Variants in ATP6V1H observed in about 807,000 individuals in gnomAD.
ATP6V1H encodes V-type proton ATPase subunit H.
In ATP6V1H, 39 loss-of-function variants were observed where a neutral mutation model predicts 71.7. The ratio of observed to expected loss-of-function variants is 0.54; its 90% CI spans 0.42 to 0.71. The LOEUF is 0.71. Ranked by LOEUF, ATP6V1H falls within the 30% of genes least tolerant of loss-of-function variation. The pLI is 0.00. For missense variants in ATP6V1H, 509 were observed against 594.9 expected (o/e 0.86, Z 1.50); for synonymous variants, 192 against 199.3 (o/e 0.96, Z 0.31).
intron 9 of ATP6V1H, among the ~76,000 whole-genome samples, chr8:53,772,903 C>CAAAAAAA (rs201949406): frequency 1.1e-3 from 68 of 59,202 alleles, no homozygotes; most frequent in Non-Finnish European, 1.6e-3. Context: ...CTATCAAATG[C>CAAAAAAA]AAAAAAAAAA....
chr8:53,755,687 T>C (rs1290179406), intron 12 of ATP6V1H, among the ~76,000 whole-genome samples: 3 of 3,018 alleles, frequency 9.9e-4, no homozygotes, highest in East Asian at 0.034. Context: ...CCAGCGTACA[T>C]ATATATATAT....
chr8:53,753,419 G>A (rs183021439), intron 12 of ATP6V1H, among the ~76,000 whole-genome samples: 2 of 152,310 alleles, frequency 1.3e-5, no homozygotes, highest in African/African-American at 4.8e-5. Flanking sequence ...GAGACAGTAA[G>A]GCAGGGAGAA....
chr8:53,780,600 T>C (rs1346986315), intron 9 of ATP6V1H, among the ~76,000 whole-genome samples: 4 of 152,162 alleles, frequency 2.6e-5, no homozygotes, highest in Non-Finnish European at 5.9e-5. Context: ...TGCAGGTGTG[T>C]TACATATGTA....
intron 7 of ATP6V1H, among the ~76,000 whole-genome samples, chr8:53,809,767 C>T (rs2130459122): frequency 6.6e-6 from 1 of 152,278 alleles, no homozygotes; most frequent in East Asian, 1.9e-4. Context: ...AAATTCAAGA[C>T]ACATGAAATG....
chr8:53,832,168 A>T (rs1811029468), intron 3 of ATP6V1H: 1 of 152,186 alleles, frequency 6.6e-6, no homozygotes, highest in African/African-American at 2.4e-5. Context: ...ATATGTACAT[A>T]TCACCCCTTT....
intron 8 of ATP6V1H, among the ~76,000 whole-genome samples, chr8:53,800,456 T>C (rs1429794224): frequency 2.0e-5 from 3 of 152,184 alleles, no homozygotes; most frequent in Non-Finnish European, 2.9e-5. Context: ...AAGAGATAGA[T>C]TGCACTCTAT....
rs146055331 is a variant in ATP6V1H at position 53,828,515 on chromosome 8, G to A, written c.306+929C>T. The stretch of plus-strand genomic sequence containing the variant: ...TCCCATACAGTAACAAGATAACCAT[G>A]GCAGATCATAACATTCACATTTTTC... On this transcript the variant is annotated intron_variant, in intron 4 of 13. Coordinates refer to ENST00000359530, the MANE Select transcript of ATP6V1H (RefSeq NM_015941.4). Among the ~76,000 whole-genome samples the A allele has an allele frequency of 7.8e-3, 1,193 of 152,206 alleles. 4 individuals carry two copies. The highest frequency in any genetic ancestry group is 0.015 in the South Asian group (74 of 4,826).
intron 7 of ATP6V1H, among the ~76,000 whole-genome samples, chr8:53,810,115 CT>C (rs1392041510): frequency 3.9e-5 from 6 of 152,192 alleles, no homozygotes; most frequent in Admixed American, 3.9e-4. Context: ...TCCTACAGAG[CT>C]TCACTTGGGT....
Position 53,715,760 on chromosome 8 carries a change from C to A in ATP6V1H, c.*204G>T, listed in dbSNP as rs1806402446. The A allele has an allele frequency of 2.2e-6, 1 of 457,198 alleles. No homozygotes were observed. Among genetic ancestry groups the A allele is most frequent in the South Asian group, 5.5e-5 (1 of 18,332 alleles). The allele number at this position is 457,198 out of a possible 1,614,324, so 28.3% of individuals were successfully genotyped here. ...GCAGTATATGTAACAGTAATATTTT[C>A]TTTAAATACAGAATCACCTACTTTT... On this transcript the variant is annotated 3_prime_UTR_variant, in exon 14 of 14. Transcript: ENST00000359530.
Position 53,814,740 on chromosome 8 carries a change from T to G in ATP6V1H, c.447A>C (p.Ala149=). The G allele has an allele frequency of 6.2e-7, 1 of 1,612,512 alleles. No individual in the cohort carries two copies. The highest frequency in any genetic ancestry group is 1.1e-5 in the South Asian group (1 of 90,724). The change falls in exon 6 of 14, where the codon GCA becomes GCC. Residue 149 remains alanine, a synonymous_variant. Coordinates refer to ENST00000359530, the MANE Select transcript of ATP6V1H (RefSeq NM_015941.4). ...CTTCCATCAGTTCTTTTCCCCAAGC[T>G]GCTAACTTGGCAATAATTCTTGCTG... ...HMAARIIAKL[A]AWGKELMEGS...
chr8:53,779,885 T>G (rs1272695864), intron 9 of ATP6V1H, among the ~76,000 whole-genome samples: 1 of 152,140 alleles, frequency 6.6e-6, no homozygotes, highest in Admixed American at 6.6e-5. Context: ...TCGGCTGGAC[T>G]TGATGGCTCA....
intron 13 of ATP6V1H, among the ~76,000 whole-genome samples, chr8:53,726,823 G>C (rs1806828120): frequency 6.6e-6 from 1 of 152,060 alleles, no homozygotes; most frequent in African/African-American, 2.4e-5. Flanking sequence ...CAAGATCATG[G>C]AGAAAGACCA....
chr8:53,831,173 G>C (rs1810994413), intron 3 of ATP6V1H, among the ~76,000 whole-genome samples: 1 of 152,230 alleles, frequency 6.6e-6, no homozygotes, highest in Non-Finnish European at 1.5e-5. Context: ...TAACAATGGG[G>C]AAAGTTCTGA....
chr8:53,821,248 C>G (rs1419680255), intron 4 of ATP6V1H, among the ~76,000 whole-genome samples: 2 of 151,598 alleles, frequency 1.3e-5, no homozygotes, highest in Non-Finnish European at 2.9e-5. Context: ...TGGTGCATGC[C>G]TGTAGTCCCA....
intron 13 of ATP6V1H, among the ~76,000 whole-genome samples, chr8:53,737,311 G>C (rs903856852): frequency 1.3e-5 from 2 of 152,088 alleles, no homozygotes; most frequent in Admixed American, 6.5e-5. Context: ...TTTCTAACAA[G>C]TATTCCTGTC....
chr8:53,730,485 T>C (rs1413837323), intron 13 of ATP6V1H, among the ~76,000 whole-genome samples: 1 of 152,158 alleles, frequency 6.6e-6, no homozygotes, highest in African/African-American at 2.4e-5. Flanking sequence ...TATTGCAAAG[T>C]TTTTTTAGAT....
chr8:53,756,063 TCTTTTC>T (rs1808044961), intron 12 of ATP6V1H, among the ~76,000 whole-genome samples: 1 of 139,510 alleles, frequency 7.2e-6, no homozygotes, highest in Non-Finnish European at 1.5e-5. Context: ...CTATTCTTTT[TCTTTTC>T]TTTTTTTTTT....
rs1016722472 is a variant in ATP6V1H, at chr8:53,769,876, C to T, written c.1050-133G>A. ...TCCTTTGTACATTAAAAAACTACCA[C>T]CAAACGAACTTTAAACAGTTTAAAT... is the stretch of plus-strand genomic sequence containing the variant. On this transcript the variant is annotated intron_variant, in intron 10 of 13. Coordinates refer to ENST00000359530, the MANE Select transcript of ATP6V1H (RefSeq NM_015941.4). 8.2e-6 allele frequency: 6 copies of T among 728,518 alleles called. No homozygotes were observed. In the Admixed American group the frequency reaches 1.7e-4, roughly 21 times the overall value. The allele number at this position is 728,518 out of a possible 1,614,324, so 45.1% of individuals were successfully genotyped here.
intron 12 of ATP6V1H, among the ~76,000 whole-genome samples, chr8:53,744,240 T>A (rs912600731): frequency 2.0e-5 from 3 of 152,080 alleles, no homozygotes; most frequent in African/African-American, 7.3e-5. Context: ...ATATGCCATG[T>A]GACTTGGGCA....
Sources: gnomAD v4.1 joint callset for allele counts (sites outside exome capture counted in the v4.1 genomes callset) on GRCh38, gnomAD v4.1.1 for gene constraint, MANE v1.5 for transcripts, NCBI Gene and HGNC (gene_info 2026-07-23, HGNC 2026-07-21) for gene names.